The following RP1 variants were observed in gnomAD, a reference collection of about 807,000 sequenced individuals.
The protein encoded by RP1 is RP1 axonemal microtubule associated.
In RP1, 16 loss-of-function variants were observed where a neutral mutation model predicts 14.8. The observed-to-expected ratio is 1.08, with a 90% CI of 0.73 to 1.65. The LOEUF is 1.65. RP1 is among the 40% of genes most tolerant of loss of function. The pLI is 0.00. For missense variants in RP1, 2,631 were observed against 2,535.0 expected (o/e 1.04, Z -0.81); for synonymous variants, 876 against 883.6 (o/e 0.99, Z 0.15).
rs751047779 is a variant in RP1 at position 54,626,309 on chromosome 8, T to C, written c.2427T>C (p.Tyr809=). The C allele has an allele frequency of 1.2e-6, 2 of 1,613,410 alleles. No individual in the cohort carries two copies. The highest frequency in any genetic ancestry group is 1.1e-5 in the South Asian group (1 of 91,052). Residue 809 remains tyrosine (Y), a synonymous_variant, in exon 4 of 4, where the codon TAT becomes TAC. Transcript: ENST00000220676. The part of the protein sequence containing the change: ...DKVFPHNESK[Y]CKSTFENKSL... Reference sequence around the variant, plus strand: ...TGTTTCCTCACAATGAATCTAAATATTGCAAAAGTACTTTTGAAAACAAAA... The same window carrying C: ...TGTTTCCTCACAATGAATCTAAATACTGCAAAAGTACTTTTGAAAACAAAA...
intron 16 of RP1, among the ~76,000 whole-genome samples, chr8:54,724,029 C>G (rs1182179479): frequency 1.3e-5 from 2 of 152,050 alleles, no homozygotes; most frequent in Admixed American, 1.3e-4. Context: ...TTTTTTATTA[C>G]AATAAGAATT....
At chr8:54,830,653 C>A (rs999739470) in intron 24 of RP1, among the ~76,000 whole-genome samples, 2 of 152,024 alleles carry the variant, frequency 1.3e-5, no homozygotes, top group Admixed American at 1.3e-4. Flanking sequence ...ATAATCTCTG[C>A]CATTTAAATA....
chr8:54,697,274 G>GCC lies in RP1; in HGVS notation c.1718-2192_1718-2191dup. ...AGGGTCAAAAAAAAGACAGTACCTGGCCGGGCGTGATGGCTCATGCCTGTA... is the reference window on the plus strand; with the variant it reads ...AGGGTCAAAAAAAAGACAGTACCTGGCCCCGGGCGTGATGGCTCATGCCTGTA... On this transcript the variant is annotated intron_variant, in intron 12 of 22. Coordinates refer to the RP1 transcript ENST00000636932. The GCC allele has an allele frequency of 1.6e-5, 9 of 574,768 alleles. No homozygotes were observed. In the South Asian group the frequency reaches 1.8e-4, roughly 11 times the overall value. 35.6% of individuals were successfully genotyped at this position (574,768 alleles called of 1,614,324 possible).
At chr8:54,605,032 A>G (rs1251666935) in intron 1 of RP1, among the ~76,000 whole-genome samples, 1 of 150,862 alleles carries the variant, frequency 6.6e-6, no homozygotes, top group East Asian at 1.9e-4. Context: ...TTGTGTCTCT[A>G]TTTCCTTCAG....
At chr8:54,837,100 T>C (rs539316190) in intron 24 of RP1, among the ~76,000 whole-genome samples, 1 of 152,252 alleles carries the variant, frequency 6.6e-6, no homozygotes, top group South Asian at 2.1e-4. Context: ...TCAATCTTAA[T>C]AACACCAGAG....
chr8:54,815,507 A>G (rs976407169), intron 24 of RP1, among the ~76,000 whole-genome samples: 5 of 152,244 alleles, frequency 3.3e-5, no homozygotes, highest in African/African-American at 4.8e-5. Flanking sequence ...TTGCTTGGTA[A>G]CAATATTCCT....
chr8:54,838,217 C>T (rs1213015919), intron 25 of RP1, among the ~76,000 whole-genome samples: 1 of 152,194 alleles, frequency 6.6e-6, no homozygotes, highest in Non-Finnish European at 1.5e-5. Flanking sequence ...ATTATGTTAA[C>T]AAATGTCAGC....
At chr8:54,693,495 G>A (rs1373198617) in intron 12 of RP1, among the ~76,000 whole-genome samples, 2 of 151,984 alleles carry the variant, frequency 1.3e-5, no homozygotes, top group Non-Finnish European at 2.9e-5. Flanking sequence ...TTATTTCGTT[G>A]AGCAGTGGTT....
At chr8:54,738,969 A>G in exon 19 of RP1, 1 of 1,516,776 alleles carries the variant, frequency 6.6e-7, no homozygotes, top group Non-Finnish European at 8.8e-7. Context: ...CTGGAAACAT[A>G]TATAAGATAA....
At position 54,640,301 on chromosome 8, in the gene RP1, C is replaced by T. The variant is rs544938345; in HGVS notation, c.788-8684C>T. 1.7e-3 allele frequency among the ~76,000 whole-genome samples: 254 copies of T among 152,148 alleles called. No individual in the cohort carries two copies. In the Middle Eastern group the frequency reaches 0.017, roughly 10 times the overall value. ...ATGTGTAGGGGTGCATTTCTGCATT[C>T]TCTATTCTATTTCATTGATTTGTGC... is the stretch of plus-strand genomic sequence containing the variant. On this transcript the variant is annotated intron_variant, in intron 3 of 22. Transcript: ENST00000636932.
chr8:54,752,182 G>A (rs945549320), intron 19 of RP1, among the ~76,000 whole-genome samples: 1 of 152,152 alleles, frequency 6.6e-6, no homozygotes, highest in Non-Finnish European at 1.5e-5. Flanking sequence ...AATTTCTAGA[G>A]CATATTTCTG....
chr8:54,767,255 G>T (rs1809782030), intron 22 of RP1, among the ~76,000 whole-genome samples: 1 of 152,074 alleles, frequency 6.6e-6, no homozygotes, highest in Non-Finnish European at 1.5e-5. Flanking sequence ...GAAACTGAGG[G>T]TTACAAAGAT....
At chr8:54,703,463 G>A (rs775878867) in intron 14 of RP1, among the ~76,000 whole-genome samples, 17 of 152,104 alleles carry the variant, frequency 1.1e-4, no homozygotes, top group South Asian at 2.1e-4. Context: ...CTCAGTAAAC[G>A]ATGCTGTAAA....
intron 24 of RP1, among the ~76,000 whole-genome samples, chr8:54,808,853 C>T (rs1039512157): frequency 3.3e-5 from 5 of 152,144 alleles, no homozygotes; most frequent in African/African-American, 1.2e-4. Context: ...CCTTGATGGC[C>T]ACACCCCGTT....
chr8:54,721,874 G>C (rs530149037), intron 16 of RP1, among the ~76,000 whole-genome samples: 2 of 152,290 alleles, frequency 1.3e-5, no homozygotes, highest in South Asian at 4.1e-4. Flanking sequence ...CACAAGAAGA[G>C]CATTCCATTG....
At chr8:54,608,594 C>T (rs932956504) in intron 1 of RP1, among the ~76,000 whole-genome samples, 3 of 151,964 alleles carry the variant, frequency 2.0e-5, no homozygotes, top group African/African-American at 7.3e-5. Flanking sequence ...TAGAGAACTC[C>T]TAGGGGATGG....
chr8:54,699,391 A>T, intron 12 of RP1: 1 of 510,212 alleles, frequency 2.0e-6, no homozygotes, highest in Non-Finnish European at 3.2e-6. Context: ...TATTATTAAG[A>T]GATTTCAGTA....
At chr8:54,764,120 T>G (rs947233478) in intron 22 of RP1, among the ~76,000 whole-genome samples, 1 of 152,206 alleles carries the variant, frequency 6.6e-6, no homozygotes, top group African/African-American at 2.4e-5. Context: ...AAGAGTCTGT[T>G]GTTCCACCGA....
intron 22 of RP1, among the ~76,000 whole-genome samples, chr8:54,766,477 G>A (rs1033055683): frequency 2.6e-5 from 4 of 152,044 alleles, no homozygotes; most frequent in African/African-American, 7.2e-5. Context: ...TCCTTGGTGC[G>A]AAAGTGACAA....
Sources: allele counts gnomAD v4.1 joint callset (sites outside exome capture counted in the v4.1 genomes callset), GRCh38; gene constraint gnomAD v4.1.1; transcripts MANE v1.5; gene names NCBI Gene and HGNC (gene_info 2026-07-23, HGNC 2026-07-21).